The following ADGRL3 variants were observed in gnomAD, a reference collection of about 807,000 sequenced individuals.
The protein encoded by ADGRL3 is adhesion G protein-coupled receptor L3.
A neutral mutation model predicts 153.5 loss-of-function variants in ADGRL3; 62 were observed. The ratio of observed to expected loss-of-function variants is 0.40; its 90% CI spans 0.33 to 0.50. The LOEUF is 0.50. ADGRL3 is among the 20% of genes least tolerant of loss of function. The pLI is 0.47. For missense variants in ADGRL3, 1,641 were observed against 1,859.4 expected, an observed-to-expected ratio of 0.88 and a Z score of 2.16; for synonymous variants, 710 against 672.5, an observed-to-expected ratio of 1.06 and a Z score of -0.86.
chr4:61,627,334 C>G (rs1390298684), intron 5 of ADGRL3, among the ~76,000 whole-genome samples: 2 of 152,068 alleles, frequency 1.3e-5, no homozygotes, highest in Non-Finnish European at 2.9e-5. Flanking sequence ...GAATAGTTAG[C>G]CGAATGTGGT....
At chr4:61,317,657 C>T (rs1034493582) in intron 1 of ADGRL3, among the ~76,000 whole-genome samples, 1 of 152,046 alleles carries the variant, frequency 6.6e-6, no homozygotes, top group Admixed American at 6.6e-5. Flanking sequence ...TAGTGGACAG[C>T]AAGGTAGCTT....
At chr4:61,629,721 C>CAAAAAAAAAAAAAAAAAA (rs59504485) in intron 5 of ADGRL3, among the ~76,000 whole-genome samples, 1 of 33,446 alleles carries the variant, frequency 3.0e-5, no homozygotes. Context: ...CGTCTCGGGG[C>CAAAAAAAAAAAAAAAAAA]AAAAAAAAAA....
At chr4:61,990,695 A>C (rs970355541) in intron 19 of ADGRL3, among the ~76,000 whole-genome samples, 3 of 151,856 alleles carry the variant, frequency 2.0e-5, no homozygotes, top group African/African-American at 7.2e-5. Context: ...ACAGCATATA[A>C]ATTTCTCACC....
chr4:61,821,516 C>A (rs1009844124), intron 9 of ADGRL3, among the ~76,000 whole-genome samples: 2 of 151,954 alleles, frequency 1.3e-5, no homozygotes, highest in Non-Finnish European at 2.9e-5. Context: ...GCATGCACCA[C>A]CATGCCTAGC....
chr4:61,755,225 A>G (rs1163097317), intron 8 of ADGRL3, among the ~76,000 whole-genome samples: 1 of 152,126 alleles, frequency 6.6e-6, no homozygotes, highest in African/African-American at 2.4e-5. Flanking sequence ...ACTAGTTTAC[A>G]GTCCCACCAA....
intron 11 of ADGRL3, 42 bp downstream of exon 11, chr4:61,895,876 A>G (rs1166932476): frequency 2.6e-6 from 3 of 1,162,452 alleles, no homozygotes; most frequent in Non-Finnish European, 3.7e-6. Context: ...CTAAAACTAT[A>G]TCATCTGTTG....
intron 4 of ADGRL3, among the ~76,000 whole-genome samples, chr4:61,532,637 A>G (rs891012969): frequency 1.3e-5 from 2 of 151,042 alleles, no homozygotes; most frequent in African/African-American, 2.4e-5. Context: ...TCAGATCCCA[A>G]TTAGGATGAT....
chr4:61,634,411 T>A lies in ADGRL3; in HGVS notation c.474-42415T>A, dbSNP rs896868996. 7.9e-5 allele frequency among the ~76,000 whole-genome samples: 12 copies of A among 152,202 alleles called. 1 individual carries two copies. The highest frequency in any genetic ancestry group is 4.1e-4 in the South Asian group (2 of 4,836). On this transcript the variant is annotated intron_variant, in intron 5 of 26. Transcript: ENST00000683033. ...CCAAGTTACTGAAGACTCATTTTTC[T>A]TACATGCAAAGAGGCCATCATTAAA...
chr4:61,745,705 G>A (rs1365778909), intron 8 of ADGRL3, among the ~76,000 whole-genome samples: 3 of 152,110 alleles, frequency 2.0e-5, no homozygotes, highest in Non-Finnish European at 4.4e-5. Context: ...AGCTCCTGAA[G>A]GAAGCACTAA....
chr4:61,862,620 A>G (rs1047289682), intron 9 of ADGRL3, among the ~76,000 whole-genome samples: 15 of 152,274 alleles, frequency 9.9e-5, no homozygotes, highest in Admixed American at 6.5e-4. Flanking sequence ...TCTGTAACCA[A>G]TAATGGCCTT....
At position 61,200,746 on chromosome 4, in the gene ADGRL3, T is replaced by G. The variant is rs1429884972; in HGVS notation, c.-1259T>G. On this transcript the variant is annotated 5_prime_UTR_variant, in exon 1 of 27. Coordinates refer to ENST00000683033, the MANE Select transcript of ADGRL3 (RefSeq NM_001387552.1). ...TGCGTGTCTGGAGAGCGCCAGTGCCTCGCTCGCTCTTGGGGAGTCGAAGAA... is the reference window on the plus strand; with the variant it reads ...TGCGTGTCTGGAGAGCGCCAGTGCCGCGCTCGCTCTTGGGGAGTCGAAGAA... Among the ~76,000 whole-genome samples the G allele has an allele frequency of 6.6e-6, 1 of 152,032 alleles. No homozygotes were observed. Among genetic ancestry groups the G allele is most frequent in the African/African-American group, 2.4e-5 (1 of 41,398 alleles).
intron 5 of ADGRL3, among the ~76,000 whole-genome samples, chr4:61,595,752 A>G (rs1311955123): frequency 1.3e-5 from 2 of 151,944 alleles, no homozygotes; most frequent in African/African-American, 2.4e-5. Context: ...TTGTGTCCCA[A>G]ATCTCCTTTC....
At chr4:61,702,173 T>C (rs555586874) in intron 6 of ADGRL3, among the ~76,000 whole-genome samples, 1 of 152,266 alleles carries the variant, frequency 6.6e-6, no homozygotes, top group East Asian at 1.9e-4. Flanking sequence ...TGCTAAATAC[T>C]CCAGTTCCTT....
chr4:61,509,736 A>G (rs1383048473), intron 3 of ADGRL3, among the ~76,000 whole-genome samples: 3 of 152,148 alleles, frequency 2.0e-5, no homozygotes, highest in Non-Finnish European at 2.9e-5. Flanking sequence ...ATACAAATGC[A>G]TATGTCTTTT....
chr4:61,700,672 G>A (rs1182991243), intron 6 of ADGRL3, among the ~76,000 whole-genome samples: 1 of 152,138 alleles, frequency 6.6e-6, no homozygotes, highest in Non-Finnish European at 1.5e-5. Context: ...ACTGAATTTT[G>A]AGCCATAGTG....
At chr4:61,918,311 T>G (rs2098753665) in intron 13 of ADGRL3, among the ~76,000 whole-genome samples, 1 of 152,194 alleles carries the variant, frequency 6.6e-6, no homozygotes, top group Admixed American at 6.6e-5. Flanking sequence ...GAAAGAGAAC[T>G]CCACTATGGC....
intron 1 of ADGRL3, among the ~76,000 whole-genome samples, chr4:61,261,770 G>A (rs2092540327): frequency 6.6e-6 from 1 of 152,166 alleles, no homozygotes; most frequent in Admixed American, 6.5e-5. Flanking sequence ...AACCAGCCAG[G>A]GAGGTCAAGG....
intron 9 of ADGRL3, among the ~76,000 whole-genome samples, chr4:61,834,182 A>G (rs1344318673): frequency 2.8e-5 from 4 of 144,106 alleles, no homozygotes; most frequent in African/African-American, 7.8e-5. Context: ...TCATTGTTCA[A>G]TTCCCACCTA....
intron 5 of ADGRL3, among the ~76,000 whole-genome samples, chr4:61,614,473 G>A (rs1312577559): frequency 2.0e-5 from 3 of 151,998 alleles, no homozygotes; most frequent in African/African-American, 7.2e-5. Flanking sequence ...CAATCAGTTG[G>A]GATCCTGATG....
Sources: gnomAD v4.1 joint callset for allele counts (sites outside exome capture counted in the v4.1 genomes callset) on GRCh38, gnomAD v4.1.1 for gene constraint, MANE v1.5 for transcripts, NCBI Gene and HGNC (gene_info 2026-07-23, HGNC 2026-07-21) for gene names.